Variants in FHIT observed in about 807,000 individuals in gnomAD.
FHIT encodes the protein bis(5'-adenosyl)-triphosphatase.
FHIT carries 19 observed loss-of-function variants against 17.9 expected under a neutral mutation model. The observed-to-expected ratio is 1.06, with a 90% CI of 0.74 to 1.56. The LOEUF is 1.56. Among genes scored for constraint, FHIT ranks in the 40% most tolerant of loss-of-function variants. FHIT has a pLI of 0.00. For missense variants in FHIT, 248 were observed against 189.2 expected (o/e 1.31, Z -1.82); for synonymous variants, 81 against 69.7 (o/e 1.16, Z -0.81).
chr3:59,965,933 A>G lies in FHIT; in HGVS notation c.280-43519T>C, dbSNP rs540934001. Among the ~76,000 whole-genome samples, 689 of 152,302 alleles carry G rather than the reference A, an allele frequency of 4.5e-3. 7 individuals are homozygous for G. Among genetic ancestry groups the G allele is most frequent in the African/African-American group, 0.015 (635 of 41,570 alleles). ...ACTGATGACCAAGACAGACTGGGAA[A>G]TGAGACTTCTAGGGAGTATGTCACC... On this transcript the variant is annotated intron_variant, in intron 7 of 9. Coordinates refer to ENST00000492590, the MANE Select transcript of FHIT (RefSeq NM_002012.4).
At chr3:60,513,071 G>C (rs905412944) in intron 5 of FHIT, among the ~76,000 whole-genome samples, 2 of 152,264 alleles carry the variant, frequency 1.3e-5, no homozygotes, top group East Asian at 3.9e-4. Flanking sequence ...GTGTAGGAAT[G>C]TTTCCTTATT....
At chr3:61,248,826 G>T (rs753051754) in intron 1 of FHIT, among the ~76,000 whole-genome samples, 2 of 152,198 alleles carry the variant, frequency 1.3e-5, no homozygotes, top group Non-Finnish European at 2.9e-5. Flanking sequence ...CCAGAAACCT[G>T]CCTTCTTGCA....
chr3:60,963,932 A>C (rs1445626317), intron 3 of FHIT, among the ~76,000 whole-genome samples: 1 of 152,218 alleles, frequency 6.6e-6, no homozygotes, highest in Non-Finnish European at 1.5e-5. Context: ...AGAGTTCTGT[A>C]GATGTCTATT....
chr3:61,191,918 CA>C (rs1257064765), intron 2 of FHIT, among the ~76,000 whole-genome samples: 2 of 152,168 alleles, frequency 1.3e-5, no homozygotes, highest in Non-Finnish European at 2.9e-5. Context: ...TTCCGCGTGC[CA>C]GTGTCTGATT....
intron 5 of FHIT, among the ~76,000 whole-genome samples, chr3:60,156,120 C>A (rs139353199): frequency 4.7e-4 from 70 of 150,146 alleles, no homozygotes; most frequent in African/African-American, 1.7e-3. Flanking sequence ...TTGGGAGGCC[C>A]AGGCTGGAGG....
chr3:60,928,328 A>G (rs1707760233), intron 3 of FHIT, among the ~76,000 whole-genome samples: 1 of 151,272 alleles, frequency 6.6e-6, no homozygotes, highest in Non-Finnish European at 1.5e-5. Context: ...ATTAAAAAAA[A>G]AAAAAAGAAA....
At chr3:60,096,405 G>C (rs767863603) in intron 5 of FHIT, among the ~76,000 whole-genome samples, 13 of 152,136 alleles carry the variant, frequency 8.5e-5, no homozygotes, top group Non-Finnish European at 1.5e-4. Flanking sequence ...CATTAGATTG[G>C]TTCAACGGCA....
intron 5 of FHIT, among the ~76,000 whole-genome samples, chr3:60,358,866 A>T (rs1379908793): frequency 6.6e-6 from 1 of 152,200 alleles, no homozygotes; most frequent in East Asian, 1.9e-4. Flanking sequence ...ATGGAGTAAT[A>T]ATGGTAACTA....
intron 5 of FHIT, among the ~76,000 whole-genome samples, chr3:60,353,831 T>A (rs965027630): frequency 3.9e-5 from 6 of 152,126 alleles, no homozygotes; most frequent in Non-Finnish European, 8.8e-5. Context: ...CAGTAATTTT[T>A]AAAAATTTAT....
intron 5 of FHIT, among the ~76,000 whole-genome samples, chr3:60,434,629 C>T (rs1460392715): frequency 6.6e-6 from 1 of 152,134 alleles, no homozygotes; most frequent in Non-Finnish European, 1.5e-5. Flanking sequence ...CAAATTCAAA[C>T]TGTCTTTTCA....
At chr3:60,488,382 T>C (rs1443966214) in intron 5 of FHIT, among the ~76,000 whole-genome samples, 2 of 152,164 alleles carry the variant, frequency 1.3e-5, no homozygotes, top group Non-Finnish European at 2.9e-5. Flanking sequence ...TTAACAGGGC[T>C]TCAAGATACT....
intron 5 of FHIT, among the ~76,000 whole-genome samples, chr3:60,511,790 T>A (rs1290112081): frequency 2.6e-5 from 4 of 152,152 alleles, no homozygotes; most frequent in African/African-American, 9.6e-5. Flanking sequence ...AAGTATGTTA[T>A]GCCAGGAAAT....
At chr3:60,895,670 CTTTCTTT>C (rs782179831) in intron 3 of FHIT, among the ~76,000 whole-genome samples, 1,864 of 29,890 alleles carry the variant, frequency 0.062, 47 homozygotes, top group Middle Eastern at 0.13. Flanking sequence ...TCCTTCCTTT[CTTTCTTT>C]CTTTCTTTCT....
chr3:60,614,932 C>T (rs1235294795), intron 4 of FHIT, among the ~76,000 whole-genome samples: 1 of 146,256 alleles, frequency 6.8e-6, no homozygotes, highest in South Asian at 2.2e-4. Context: ...CAGGTTCAAG[C>T]AATTCTCCTG....
intron 4 of FHIT, among the ~76,000 whole-genome samples, chr3:60,731,024 G>A (rs1473619475): frequency 7.9e-5 from 12 of 151,706 alleles, no homozygotes; most frequent in Non-Finnish European, 1.2e-4. Context: ...CCAGCTACTT[G>A]CGAGGCTGAG....
At chr3:59,959,259 T>C (rs1438068301) in intron 7 of FHIT, among the ~76,000 whole-genome samples, 2 of 152,194 alleles carry the variant, frequency 1.3e-5, no homozygotes, top group Non-Finnish European at 2.9e-5. Context: ...TTCTCAATCA[T>C]TGTCGGAGCT....
chr3:59,813,276 T>C (rs1167899234), intron 8 of FHIT, among the ~76,000 whole-genome samples: 1 of 152,228 alleles, frequency 6.6e-6, no homozygotes, highest in East Asian at 1.9e-4. Flanking sequence ...CCTTATTTTA[T>C]GTTAACACTT....
At chr3:60,907,532 A>G (rs1489369454) in intron 3 of FHIT, among the ~76,000 whole-genome samples, 1 of 152,212 alleles carries the variant, frequency 6.6e-6, no homozygotes, top group Non-Finnish European at 1.5e-5. Context: ...ACATTTGAAT[A>G]TATTAGATTA....
rs1559698562 is a variant in FHIT at position 60,173,907 on chromosome 3, A to AT, written c.104-159756dup. 2.7e-5 allele frequency among the ~76,000 whole-genome samples: 2 copies of AT among 73,354 alleles called. 1 individual carries two copies. Among genetic ancestry groups the AT allele is most frequent in the Admixed American group, 3.6e-4 (2 of 5,542 alleles). The allele number at this position is 73,354 out of a possible 152,430, so 48.1% of individuals were successfully genotyped here. A position where few individuals can be genotyped will look rare whatever the true frequency, so the allele number is the denominator to read the frequency against. On this transcript the variant is annotated intron_variant, in intron 5 of 9. Coordinates refer to ENST00000492590, the MANE Select transcript of FHIT (RefSeq NM_002012.4). Reference sequence around the variant, plus strand: ...CTAATATATATATATATATATATATATATATATATGTTTTTTTTTTTTTTT... The same window carrying AT: ...CTAATATATATATATATATATATATATTATATATATGTTTTTTTTTTTTTTT...
Sources: gnomAD v4.1 joint callset for allele counts (sites outside exome capture counted in the v4.1 genomes callset) on GRCh38, gnomAD v4.1.1 for gene constraint, MANE v1.5 for transcripts, NCBI Gene and HGNC (gene_info 2026-07-23, HGNC 2026-07-21) for gene names.